RIPOR2: variants seen among roughly 807,000 people sequenced by gnomAD.
RIPOR2 encodes the protein RHO family interacting cell polarization regulator 2.
Under a neutral mutation model 114.5 loss-of-function variants are expected in RIPOR2, and 39 were observed. The observed-to-expected ratio is 0.34, with a 90% confidence interval of 0.26 to 0.44. The LOEUF is 0.44. RIPOR2 is among the 20% of genes least tolerant of loss of function. The probability of loss-of-function intolerance (pLI) is 1.00; values close to 1 mark genes in which losing one functional copy is unlikely to be tolerated. For synonymous variants in RIPOR2, 445 were observed against 484.4 expected (o/e 0.92, Z 1.07); for missense variants, 1,007 against 1,255.1 (o/e 0.80, Z 2.99).
At chr6:24,948,826 C>A (rs1457965793) in intron 1 of RIPOR2, among the ~76,000 whole-genome samples, 6 of 152,170 alleles carry the variant, frequency 3.9e-5, no homozygotes, top group Admixed American at 3.9e-4. Context: ...GCACCACGCC[C>A]AGCCACTCTC....
intron 1 of RIPOR2, among the ~76,000 whole-genome samples, chr6:24,956,360 C>T (rs1484043848): frequency 6.6e-6 from 1 of 151,952 alleles, no homozygotes; most frequent in East Asian, 1.9e-4. Flanking sequence ...TAACTTTTTC[C>T]TTATTTTAAA....
intron 1 of RIPOR2, among the ~76,000 whole-genome samples, chr6:24,879,717 G>T (rs1766172366): frequency 6.6e-6 from 1 of 152,136 alleles, no homozygotes; most frequent in Admixed American, 6.5e-5. Context: ...GTAGTTCTTC[G>T]CTACTATTCT....
At chr6:25,038,421 G>A (rs1261846048) in intron 1 of RIPOR2, among the ~76,000 whole-genome samples, 3 of 152,232 alleles carry the variant, frequency 2.0e-5, no homozygotes, top group Non-Finnish European at 4.4e-5. Flanking sequence ...TCCTTGATCA[G>A]TCAATTTTTA....
chr6:24,949,309 G>T (rs1232690158), intron 1 of RIPOR2, among the ~76,000 whole-genome samples: 2 of 152,138 alleles, frequency 1.3e-5, no homozygotes, highest in Admixed American at 6.5e-5. Flanking sequence ...AAAACAAGAA[G>T]CAAAACCCAG....
intron 1 of RIPOR2, among the ~76,000 whole-genome samples, chr6:24,941,188 A>G (rs1324602783): frequency 1.3e-5 from 2 of 152,096 alleles, no homozygotes; most frequent in African/African-American, 4.8e-5. Flanking sequence ...TGTTTCCTTC[A>G]ATGGGACTAA....
intron 1 of RIPOR2, among the ~76,000 whole-genome samples, chr6:25,036,480 T>C (rs1342288784): frequency 6.6e-6 from 1 of 151,952 alleles, no homozygotes; most frequent in African/African-American, 2.4e-5. Flanking sequence ...TAACCTCCAG[T>C]TCCTAAGTTC....
chr6:24,808,439 G>A (rs1780918456), intron 21 of RIPOR2, among the ~76,000 whole-genome samples: 2 of 152,144 alleles, frequency 1.3e-5, no homozygotes, highest in Admixed American at 1.3e-4. Flanking sequence ...CAACCATAAG[G>A]AATAACTTTT....
intron 1 of RIPOR2, among the ~76,000 whole-genome samples, chr6:24,960,187 A>G (rs1372680479): frequency 6.6e-6 from 1 of 152,194 alleles, no homozygotes; most frequent in Non-Finnish European, 1.5e-5. Context: ...GTCTGTTTGT[A>G]TTGCTACAAC....
chr6:25,017,063 G>C (rs1399199938), intron 1 of RIPOR2, among the ~76,000 whole-genome samples: 1 of 152,222 alleles, frequency 6.6e-6, no homozygotes, highest in East Asian at 1.9e-4. Context: ...AAGTGGCACC[G>C]GCACGGTGGC....
intron 1 of RIPOR2, among the ~76,000 whole-genome samples, chr6:24,900,413 A>C (rs1768313741): frequency 6.6e-6 from 1 of 152,250 alleles, no homozygotes; most frequent in South Asian, 2.1e-4. Flanking sequence ...AGTGATAGCT[A>C]TTACTTTTAT....
intron 1 of RIPOR2, among the ~76,000 whole-genome samples, chr6:24,996,492 G>A (rs1463633319): frequency 6.6e-6 from 1 of 152,122 alleles, no homozygotes; most frequent in Non-Finnish European, 1.5e-5. Flanking sequence ...ATACAGTCCT[G>A]ACCCCTGAGC....
At chr6:25,021,093 A>G (rs541384545) in intron 1 of RIPOR2, among the ~76,000 whole-genome samples, 1 of 152,280 alleles carries the variant, frequency 6.6e-6, no homozygotes, top group East Asian at 1.9e-4. Flanking sequence ...TCCTGACCTC[A>G]GGTGATCCAC....
In RIPOR2 at chr6:24,835,799, G is replaced by A; in HGVS notation, c.2112C>T (p.Thr704=). ...GTGGGAGAGGACTTCCTGCCACACT[G>A]GTCCCAACTCCTGTGTCTTCAGTGA... is the stretch of plus-strand genomic sequence containing the variant. The part of the protein sequence containing the change: ...EALTEDTGVG[T]SVAGSPLPLT... Residue 704 remains threonine (T), a synonymous_variant, in exon 15 of 22, where the codon ACC becomes ACT. Coordinates refer to ENST00000643898, the MANE Select transcript of RIPOR2 (RefSeq NM_001286445.3). 1 of 1,551,550 alleles carries A rather than the reference G, an allele frequency of 6.4e-7. No individual in the cohort carries two copies. The highest frequency in any genetic ancestry group is 1.4e-5 in the African/African-American group (1 of 73,136).
chr6:24,946,913 C>T (rs1182574112), intron 1 of RIPOR2, among the ~76,000 whole-genome samples: 1 of 152,158 alleles, frequency 6.6e-6, no homozygotes, highest in Non-Finnish European at 1.5e-5. Flanking sequence ...GAAAATTCTT[C>T]CTGGCGTGGC....
intron 1 of RIPOR2, among the ~76,000 whole-genome samples, chr6:25,029,927 T>C (rs75195364): frequency 0.018 from 2,805 of 152,258 alleles, 72 homozygotes; most frequent in African/African-American, 0.054. Context: ...TTGTTTTAGA[T>C]TGAAAACACA....
intron 1 of RIPOR2, among the ~76,000 whole-genome samples, chr6:25,017,395 C>A (rs575070857): frequency 1.3e-5 from 2 of 152,208 alleles, no homozygotes; most frequent in Non-Finnish European, 2.9e-5. Flanking sequence ...TTTTTACTGT[C>A]TTACATCTAG....
At chr6:24,860,339 G>A (rs1250967047) in intron 8 of RIPOR2, among the ~76,000 whole-genome samples, 2 of 152,192 alleles carry the variant, frequency 1.3e-5, no homozygotes, top group African/African-American at 4.8e-5. Context: ...AAGGTAGGGA[G>A]AGGTTTGTTT....
intron 1 of RIPOR2, among the ~76,000 whole-genome samples, chr6:24,994,033 C>A (rs1774944181): frequency 6.6e-6 from 1 of 152,198 alleles, no homozygotes; most frequent in African/African-American, 2.4e-5. Flanking sequence ...ACATTTCACT[C>A]ACAGTGCCAT....
intron 1 of RIPOR2, among the ~76,000 whole-genome samples, chr6:24,895,864 A>G (rs979996818): frequency 1.3e-5 from 2 of 152,006 alleles, no homozygotes; most frequent in Admixed American, 6.6e-5. Context: ...GGTGGCGGGC[A>G]CCTGTAGTCC....
Sources: gnomAD v4.1 joint callset for allele counts (sites outside exome capture counted in the v4.1 genomes callset) on GRCh38, gnomAD v4.1.1 for gene constraint, MANE v1.5 for transcripts, NCBI Gene and HGNC (gene_info 2026-07-23, HGNC 2026-07-21) for gene names.